The following BBX variants were observed in gnomAD, a reference collection of about 807,000 sequenced individuals.
BBX encodes BBX high mobility group box domain containing.
A neutral mutation model predicts 100.2 loss-of-function variants in BBX; 30 were observed. The observed-to-expected ratio is 0.30, with a 90% CI of 0.22 to 0.41. The LOEUF is 0.41. BBX is among the 10% of genes least tolerant of loss of function. BBX has a pLI of 1.00. For missense variants in BBX, 1,023 were observed against 1,129.8 expected, an observed-to-expected ratio of 0.91 and a Z score of 1.35; for synonymous variants, 376 against 388.1, an observed-to-expected ratio of 0.97 and a Z score of 0.37.
chr3:107,811,254 T>G lies in BBX; in HGVS notation c.*5797T>G, dbSNP rs1470125315. The G allele has an allele frequency of 6.6e-6, 1 of 152,228 alleles. No individual in the cohort carries two copies. The highest frequency in any genetic ancestry group is 1.5e-5 in the Non-Finnish European group (1 of 68,032). 9.4% of individuals were successfully genotyped at this position (152,228 alleles called of 1,614,324 possible). ...TGTTCACACTACTGGCCGTAGAGTATGTGCCTTTAATGTACCATTTTCACT... is the reference window on the plus strand; with the variant it reads ...TGTTCACACTACTGGCCGTAGAGTAGGTGCCTTTAATGTACCATTTTCACT... On this transcript the variant is annotated 3_prime_UTR_variant, in exon 18 of 18. Coordinates refer to ENST00000325805, the MANE Select transcript of BBX (RefSeq NM_001142568.3).
At chr3:107,695,514 G>C (rs1019390417) in intron 3 of BBX, among the ~76,000 whole-genome samples, 1 of 142,480 alleles carries the variant, frequency 7.0e-6, no homozygotes, top group South Asian at 2.2e-4. Context: ...TTTTGAGTGA[G>C]ATTCTTAATC....
At position 107,774,151 on chromosome 3, in the gene BBX, C is replaced by T. The variant is rs117599734; in HGVS notation, c.1915+515C>T. The stretch of plus-strand genomic sequence containing the variant: ...GCCAAGGCGGGTGCATCATTTGAAC[C>T]GAAGAGCTCTTTAAAACATTATAAT... On this transcript the variant is annotated intron_variant, in intron 11 of 17. Coordinates refer to ENST00000325805, the MANE Select transcript of BBX (RefSeq NM_001142568.3). 7.2e-4 allele frequency among the ~76,000 whole-genome samples: 110 copies of T among 152,212 alleles called. 3 individuals carry two copies. In the East Asian group the frequency reaches 0.02, roughly 28 times the overall value.
chr3:107,562,912 A>G (rs1300926133), intron 2 of BBX, among the ~76,000 whole-genome samples: 1 of 152,258 alleles, frequency 6.6e-6, no homozygotes, highest in East Asian at 1.9e-4. Context: ...AATGAACTGC[A>G]GAGTATAAGC....
At chr3:107,660,758 C>T (rs2058404850) in intron 3 of BBX, among the ~76,000 whole-genome samples, 1 of 152,064 alleles carries the variant, frequency 6.6e-6, no homozygotes, top group Non-Finnish European at 1.5e-5. Context: ...TTGAATGTTA[C>T]TAAAAAGGCA....
At chr3:107,616,047 T>C (rs59814885) in intron 2 of BBX, among the ~76,000 whole-genome samples, 5,405 of 129,846 alleles carry the variant, frequency 0.042, 516 homozygotes, top group African/African-American at 0.15. Flanking sequence ...TTTTTTGCTG[T>C]TGTTGTTGTT....
chr3:107,726,382 A>C (rs2062936184), intron 5 of BBX, among the ~76,000 whole-genome samples: 1 of 151,564 alleles, frequency 6.6e-6, no homozygotes, highest in Non-Finnish European at 1.5e-5. Context: ...TCTCTATCTA[A>C]ACTTTAAACT....
chr3:107,719,079 ATACT>A (rs1279198354), intron 5 of BBX, among the ~76,000 whole-genome samples: 1 of 152,068 alleles, frequency 6.6e-6, no homozygotes, highest in Non-Finnish European at 1.5e-5. Context: ...CAGTGAACAA[ATACT>A]TAATAAGTGC....
At chr3:107,563,480 T>C (rs2050656960) in intron 2 of BBX, among the ~76,000 whole-genome samples, 2 of 152,192 alleles carry the variant, frequency 1.3e-5, no homozygotes, top group Non-Finnish European at 2.9e-5. Context: ...TCACAGAAGG[T>C]TAAATATTAT....
intron 3 of BBX, among the ~76,000 whole-genome samples, chr3:107,651,420 A>G (rs1178391901): frequency 6.6e-6 from 1 of 152,202 alleles, no homozygotes; most frequent in Non-Finnish European, 1.5e-5. Flanking sequence ...TGAAAATTCA[A>G]GTGATTTATA....
chr3:107,554,258 T>G (rs1390977769), intron 2 of BBX, among the ~76,000 whole-genome samples: 1 of 152,210 alleles, frequency 6.6e-6, no homozygotes, highest in Non-Finnish European at 1.5e-5. Flanking sequence ...AATTAGTCAT[T>G]CTTAATTTAA....
intron 2 of BBX, among the ~76,000 whole-genome samples, chr3:107,527,754 G>A (rs2047882970): frequency 6.6e-6 from 1 of 152,202 alleles, no homozygotes; most frequent in African/African-American, 2.4e-5. Flanking sequence ...GTGTCAAAAT[G>A]AGAAGGTTCT....
intron 2 of BBX, among the ~76,000 whole-genome samples, chr3:107,528,074 A>G (rs191734916): frequency 1.1e-4 from 16 of 152,342 alleles, no homozygotes; most frequent in African/African-American, 3.8e-4. Context: ...TTAAAACAAT[A>G]TTTTCAAGAA....
intron 2 of BBX, among the ~76,000 whole-genome samples, chr3:107,532,698 C>T (rs893690246): frequency 3.3e-5 from 5 of 152,096 alleles, no homozygotes; most frequent in Non-Finnish European, 5.9e-5. Context: ...ATGGTACTGT[C>T]GTACTCAAAT....
At chr3:107,777,638 G>C (rs1368432428) in intron 12 of BBX, among the ~76,000 whole-genome samples, 1 of 152,260 alleles carries the variant, frequency 6.6e-6, no homozygotes, top group Middle Eastern at 3.4e-3. Context: ...GAGACAGTCA[G>C]CACCAGCCCA....
intron 10 of BBX, among the ~76,000 whole-genome samples, chr3:107,771,488 A>G (rs114128947): frequency 0.028 from 4,259 of 152,266 alleles, 208 homozygotes; most frequent in African/African-American, 0.098. Flanking sequence ...AGATTTTAGG[A>G]AAATTATACA....
chr3:107,575,975 G>T (rs2051743953), intron 2 of BBX, among the ~76,000 whole-genome samples: 1 of 152,218 alleles, frequency 6.6e-6, no homozygotes, highest in Admixed American at 6.5e-5. Context: ...GGTCGAGGCT[G>T]CAGTGAGCAG....
At chr3:107,721,352 GTTTTGTT>G (rs1225328819) in intron 5 of BBX, among the ~76,000 whole-genome samples, 2 of 151,592 alleles carry the variant, frequency 1.3e-5, no homozygotes, top group Non-Finnish European at 2.9e-5. Context: ...TTCCATAGTT[GTTTTGTT>G]TTTTGTTTTG....
rs2071050855 is a variant in BBX, at chr3:107,806,085, A to G, written c.*628A>G. 1 of 149,538 alleles carries G rather than the reference A, an allele frequency of 6.7e-6. No homozygotes were observed. Among genetic ancestry groups the G allele is most frequent in the Admixed American group, 6.7e-5 (1 of 14,898 alleles). The allele number at this position is 149,538 out of a possible 1,614,324, so 9.3% of individuals were successfully genotyped here. A position where few individuals can be genotyped will look rare whatever the true frequency, so the allele number is the denominator to read the frequency against. On this transcript the variant is annotated 3_prime_UTR_variant, in exon 18 of 18. Transcript: ENST00000325805. ...CGTGGTCCATATATTCTGCACTTTT[A>G]TATTTGCCACCAGAATGGTAGTTTG... is the stretch of plus-strand genomic sequence containing the variant.
chr3:107,691,709 A>G (rs13091609), intron 3 of BBX, among the ~76,000 whole-genome samples: 1,541 of 152,304 alleles, frequency 0.01, 14 homozygotes, highest in Middle Eastern at 0.044. Flanking sequence ...TACAAGTACT[A>G]TTTATTAAAT....
Sources: allele counts gnomAD v4.1 joint callset (sites outside exome capture counted in the v4.1 genomes callset), GRCh38; gene constraint gnomAD v4.1.1; transcripts MANE v1.5; gene names NCBI Gene and HGNC (gene_info 2026-07-23, HGNC 2026-07-21).